Variants in TVP23A observed in about 807,000 individuals in gnomAD.
The protein encoded by TVP23A is Golgi apparatus membrane protein TVP23 homolog A.
Under a neutral mutation model 31.7 loss-of-function variants are expected in TVP23A, and 21 were observed. The ratio of observed to expected loss-of-function variants is 0.66; its 90% CI spans 0.47 to 0.95. TVP23A has a LOEUF of 0.95. Among genes scored for constraint, TVP23A ranks in the 40% least tolerant of loss-of-function variants. The pLI is 0.00. For synonymous variants in TVP23A, 104 were observed against 96.0 expected, an observed-to-expected ratio of 1.08 and a Z score of -0.49; for missense variants, 279 against 255.6, an observed-to-expected ratio of 1.09 and a Z score of -0.62.
At chr16:10,806,920 C>T (rs1345202576) in intron 2 of TVP23A, among the ~76,000 whole-genome samples, 2 of 152,168 alleles carry the variant, frequency 1.3e-5, no homozygotes, top group African/African-American at 2.4e-5. Context: ...TACGTAATTC[C>T]GTGCCCTAAT....
chr16:10,804,050 GA>G (rs2033831181), intron 2 of TVP23A, among the ~76,000 whole-genome samples: 1 of 152,208 alleles, frequency 6.6e-6, no homozygotes, highest in African/African-American at 2.4e-5. Context: ...GGAAGCAAGA[GA>G]GCAGCATATA....
At chr16:10,783,137 T>C (rs2032525453) in intron 2 of TVP23A, among the ~76,000 whole-genome samples, 1 of 152,166 alleles carries the variant, frequency 6.6e-6, no homozygotes, top group South Asian at 2.1e-4. Context: ...GGATGTTCTG[T>C]ATCTTTATCT....
chr16:10,781,396 T>A (rs1267266050), intron 2 of TVP23A, among the ~76,000 whole-genome samples: 1 of 151,924 alleles, frequency 6.6e-6, no homozygotes, highest in African/African-American at 2.4e-5. Context: ...AAGGGATTAC[T>A]CAAGTAAAGT....
chr16:10,789,897 G>A (rs2033000803), intron 2 of TVP23A, among the ~76,000 whole-genome samples: 1 of 151,930 alleles, frequency 6.6e-6, no homozygotes, highest in African/African-American at 2.4e-5. Context: ...ACTCAAAGAG[G>A]GGCAGGAGGA....
intron 2 of TVP23A, among the ~76,000 whole-genome samples, chr16:10,814,369 A>G (rs1700978255): frequency 6.6e-6 from 1 of 152,182 alleles, no homozygotes; most frequent in African/African-American, 2.4e-5. Context: ...CAGACTAACA[A>G]GGACCACTCT....
chr16:10,786,047 T>G (rs2032733056), intron 2 of TVP23A, among the ~76,000 whole-genome samples: 1 of 152,106 alleles, frequency 6.6e-6, no homozygotes. Flanking sequence ...GACAAATGGT[T>G]GTGTTCTTTT....
At chr16:10,789,910 G>T (rs1567296276) in intron 2 of TVP23A, among the ~76,000 whole-genome samples, 1 of 152,032 alleles carries the variant, frequency 6.6e-6, no homozygotes. Flanking sequence ...CAGGAGGAGG[G>T]GGCTGGTTGG....
At chr16:10,811,903 C>CAAAAAAAA (rs763108313) in intron 2 of TVP23A, among the ~76,000 whole-genome samples, 1 of 42,282 alleles carries the variant, frequency 2.4e-5, no homozygotes, top group African/African-American at 8.4e-5. Flanking sequence ...GACTCCGTCT[C>CAAAAAAAA]AAAAAAAAAA....
At chr16:10,809,496 G>A (rs568831381) in intron 2 of TVP23A, among the ~76,000 whole-genome samples, 2 of 152,316 alleles carry the variant, frequency 1.3e-5, no homozygotes, top group South Asian at 4.1e-4. Flanking sequence ...GTGATTCAAG[G>A]TAACCCATAG....
intron 5 of TVP23A, among the ~76,000 whole-genome samples, chr16:10,772,319 T>A (rs573181546): frequency 6.6e-6 from 1 of 152,314 alleles, no homozygotes; most frequent in South Asian, 2.1e-4. Flanking sequence ...GGGCCCGCAC[T>A]TTCATTAAAT....
intron 2 of TVP23A, among the ~76,000 whole-genome samples, chr16:10,776,784 T>A (rs192305282): frequency 6.6e-6 from 1 of 152,302 alleles, no homozygotes; most frequent in African/African-American, 2.4e-5. Flanking sequence ...GATGATATGC[T>A]AAAGAAGGGG....
Position 10,780,714 on chromosome 16 carries a change from A to G in TVP23A, c.90-5618T>C, listed in dbSNP as rs2032368920. Among the ~76,000 whole-genome samples the G allele has an allele frequency of 3.3e-5, 5 of 152,142 alleles. No individual in the cohort carries two copies. The South Asian group carries it at 1.0e-3, about 32-fold the overall frequency. ...GCCAACAGGATCCACTTCCTAAGAC[A>G]CTGAAAACATCGGGTGAGGGTGGTA... is the stretch of plus-strand genomic sequence containing the variant. On this transcript the variant is annotated intron_variant, in intron 2 of 7. Transcript: ENST00000299866.
chr16:10,817,228 T>G (rs2034484104), intron 2 of TVP23A, among the ~76,000 whole-genome samples: 1 of 152,246 alleles, frequency 6.6e-6, no homozygotes, highest in Admixed American at 6.5e-5. Flanking sequence ...ATAATGGTAA[T>G]TTGTTCTAGC....
In TVP23A at chr16:10,777,716, A is replaced by T. The variant is rs554758955; in HGVS notation, c.90-2620T>A. Among the ~76,000 whole-genome samples, 1 of 152,188 alleles carries T rather than the reference A, an allele frequency of 6.6e-6. No homozygotes were observed. The highest frequency in any genetic ancestry group is 1.5e-5 in the Non-Finnish European group (1 of 68,038). ...CAGGAAGTGCACCCGGCTTTTAAGA[A>T]TTAGACAGGATCAAGCCGGGCGTGG... On this transcript the variant is annotated intron_variant, in intron 2 of 7. Transcript: ENST00000299866. This position sits in a 1 kb window ranked among gnomAD's most constrained non-coding sequence, Gnocchi z 4.5.
At chr16:10,764,847 C>G (rs2030625157), downstream of TVP23A, among the ~76,000 whole-genome samples, 1 of 79,664 alleles carries the variant, frequency 1.3e-5, no homozygotes, top group Admixed American at 1.4e-4. Flanking sequence ...GTTGGAGCAT[C>G]TGTCTGCTGG....
chr16:10,767,253 C>T lies in TVP23A; in HGVS notation c.*1849G>A, dbSNP rs1641788. ...GAACACCCCCATTGACCCCTAGCCC[C>T]TTGTGTCCTGTCCACCTGGCTCTGG... On this transcript the variant is annotated 3_prime_UTR_variant, in exon 8 of 8. Transcript: ENST00000299866. The surrounding 1 kb of genome is among the most constrained non-coding windows in gnomAD (Gnocchi z 4.6). 0.21 allele frequency: 82,064 copies of T among 399,228 alleles called. 9,842 individuals are homozygous for T. Among genetic ancestry groups the T allele is most frequent in the Admixed American group, 0.37 (8,294 of 22,714 alleles). The allele number at this position is 399,228 out of a possible 1,614,324, so 24.7% of individuals were successfully genotyped here.
At chr16:10,815,664 G>A (rs1208882411) in intron 2 of TVP23A, among the ~76,000 whole-genome samples, 1 of 152,164 alleles carries the variant, frequency 6.6e-6, no homozygotes, top group Admixed American at 6.6e-5. Flanking sequence ...TAAAATGTCT[G>A]GAGTGCTAAC....
At chr16:10,790,324 G>A (rs553538325) in intron 2 of TVP23A, among the ~76,000 whole-genome samples, 16 of 128,498 alleles carry the variant, frequency 1.2e-4, no homozygotes, top group Admixed American at 4.0e-4. Context: ...TCGCACTGTC[G>A]CCCAGGCTGG....
chr16:10,771,548 A>G (rs1448381242), intron 6 of TVP23A, 122 bp downstream of exon 6: 4 of 1,303,790 alleles, frequency 3.1e-6, no homozygotes, highest in Non-Finnish European at 4.2e-6. Flanking sequence ...AAAAATATAT[A>G]AACAATAAAA....
Sources: allele counts gnomAD v4.1 joint callset (sites outside exome capture counted in the v4.1 genomes callset), GRCh38; gene constraint gnomAD v4.1.1; non-coding constraint Gnocchi (gnomAD v3.1); transcripts MANE v1.5; gene names NCBI Gene and HGNC (gene_info 2026-07-23, HGNC 2026-07-21).